The following MARK3 variants were observed in gnomAD, a reference collection of about 807,000 sequenced individuals.
MARK3 encodes MAP/microtubule affinity-regulating kinase 3.
Under a neutral mutation model 90.1 loss-of-function variants are expected in MARK3, and 46 were observed. The observed-to-expected ratio is 0.51, with a 90% CI of 0.40 to 0.65. The LOEUF (loss-of-function observed/expected upper bound fraction) is 0.65, where lower values mean the gene tolerates loss of function less well. Among genes scored for constraint, MARK3 ranks in the 30% least tolerant of loss-of-function variants. The pLI is 0.00. For missense variants in MARK3, 818 were observed against 947.2 expected (o/e 0.86, Z 1.79); for synonymous variants, 321 against 332.6 (o/e 0.97, Z 0.38).
intron 14 of MARK3, among the ~76,000 whole-genome samples, chr14:103,487,163 C>T (rs1343994133): frequency 6.6e-6 from 1 of 150,944 alleles, no homozygotes; most frequent in Non-Finnish European, 1.5e-5. Context: ...GCAATCCACC[C>T]GCCTCAGCCT....
intron 3 of MARK3, chr14:103,441,374 TC>T (rs2092850975): frequency 6.6e-6 from 1 of 152,212 alleles, no homozygotes; most frequent in Non-Finnish European, 1.5e-5. Flanking sequence ...AAGCTTCGCC[TC>T]CCGGGTTCAC....
intron 1 of MARK3, among the ~76,000 whole-genome samples, chr14:103,400,889 A>G (rs2090912489): frequency 8.3e-6 from 1 of 120,928 alleles, no homozygotes. Context: ...ACAGAACGAG[A>G]CCCTGTCTCA....
At chr14:103,446,710 C>CT (rs746523547) in intron 3 of MARK3, among the ~76,000 whole-genome samples, 20,115 of 95,780 alleles carry the variant, frequency 0.21, 2,851 homozygotes, top group African/African-American at 0.33. Flanking sequence ...AGATTGTTGT[C>CT]TTTTTTTTTT....
At chr14:103,494,886 C>A (rs2075248732) in intron 15 of MARK3, among the ~76,000 whole-genome samples, 1 of 152,054 alleles carries the variant, frequency 6.6e-6, no homozygotes, top group Non-Finnish European at 1.5e-5. Flanking sequence ...ATCCACCGCG[C>A]CCAGCCAAAG....
chr14:103,432,603 C>T (rs2092614024), intron 3 of MARK3, among the ~76,000 whole-genome samples: 1 of 152,096 alleles, frequency 6.6e-6, no homozygotes, highest in Non-Finnish European at 1.5e-5. Flanking sequence ...GTAATCCCAG[C>T]ACTTGGGGAG....
chr14:103,493,423 C>G (rs2075127835), intron 15 of MARK3, among the ~76,000 whole-genome samples: 1 of 151,984 alleles, frequency 6.6e-6, no homozygotes, highest in Admixed American at 6.6e-5. Context: ...TACCCTCTTA[C>G]TCACTTCTTA....
intron 1 of MARK3, chr14:103,386,501 T>C (rs1396087230): frequency 4.7e-6 from 2 of 429,190 alleles, no homozygotes; most frequent in African/African-American, 4.0e-5. Context: ...TTACCGGTGC[T>C]GATTAAGAGT....
chr14:103,436,381 C>A (rs949526827), intron 3 of MARK3, among the ~76,000 whole-genome samples: 1 of 150,988 alleles, frequency 6.6e-6, no homozygotes, highest in African/African-American at 2.4e-5. Flanking sequence ...TTTCATTGAA[C>A]AACTCTTTTC....
chr14:103,453,588 T>C (rs1229237593), intron 5 of MARK3, among the ~76,000 whole-genome samples: 1 of 152,236 alleles, frequency 6.6e-6, no homozygotes, highest in Admixed American at 6.5e-5. Flanking sequence ...GTGTATTTTA[T>C]ACTTTATATA....
At chr14:103,478,271 G>A (rs2093751949) in intron 13 of MARK3, among the ~76,000 whole-genome samples, 2 of 150,134 alleles carry the variant, frequency 1.3e-5, no homozygotes, top group South Asian at 4.2e-4. Context: ...CTCCAGCCTG[G>A]GCGAAAAAGC....
At position 103,498,303 on chromosome 14, in the gene MARK3, A is replaced by G. The variant is rs148041990; in HGVS notation, c.1845-199A>G. ...ACCTTTTCTTACTTTTTTTTGATAT[A>G]TTAAAAGATCACATACTCATTTAAT... is the stretch of plus-strand genomic sequence containing the variant. On this transcript the variant is annotated intron_variant, in intron 15 of 17. Coordinates refer to ENST00000429436, the MANE Select transcript of MARK3 (RefSeq NM_001128918.3). Among the ~76,000 whole-genome samples, 406 of 151,836 alleles carry G rather than the reference A, an allele frequency of 2.7e-3. 2 individuals carry two copies. Among genetic ancestry groups the G allele is most frequent in the African/African-American group, 9.4e-3 (389 of 41,410 alleles).
intron 4 of MARK3, among the ~76,000 whole-genome samples, chr14:103,449,180 A>G (rs896911943): frequency 6.6e-6 from 1 of 151,856 alleles, no homozygotes; most frequent in Non-Finnish European, 1.5e-5. Context: ...TCTGGTAGAA[A>G]CATCTGTACT....
chr14:103,444,666 A>ACT (rs1408725855), intron 3 of MARK3, among the ~76,000 whole-genome samples: 1 of 152,160 alleles, frequency 6.6e-6, no homozygotes, highest in African/African-American at 2.4e-5. Context: ...AGTCCCAGCT[A>ACT]CTAAGGAGGC....
intron 12 of MARK3, among the ~76,000 whole-genome samples, chr14:103,473,007 GAA>G (rs35491726): frequency 2.2e-5 from 3 of 138,168 alleles, no homozygotes; most frequent in Non-Finnish European, 4.7e-5. Flanking sequence ...ACTCCGTCTC[GAA>G]AAAAAAAAAA....
chr14:103,401,305 G>T (rs917789678), intron 1 of MARK3, among the ~76,000 whole-genome samples: 8 of 152,124 alleles, frequency 5.3e-5, no homozygotes, highest in Non-Finnish European at 8.8e-5. Context: ...ACAAGCATCA[G>T]ATCTTTCAGT....
At chr14:103,421,820 A>G (rs1275026925) in intron 2 of MARK3, among the ~76,000 whole-genome samples, 1 of 152,184 alleles carries the variant, frequency 6.6e-6, no homozygotes, top group Admixed American at 6.5e-5. Context: ...ATCAGGTGGC[A>G]GGACAGAGAA....
intron 5 of MARK3, among the ~76,000 whole-genome samples, chr14:103,455,212 C>T (rs541984838): frequency 6.6e-6 from 1 of 152,188 alleles, no homozygotes; most frequent in South Asian, 2.1e-4. Context: ...TAGGCTTAAT[C>T]GTTTAATTTT....
intron 6 of MARK3, among the ~76,000 whole-genome samples, chr14:103,457,515 G>A (rs186078348): frequency 6.6e-6 from 1 of 152,162 alleles, no homozygotes; most frequent in East Asian, 1.9e-4. Context: ...ATTAATTAAA[G>A]CCATTTCAGA....
At chr14:103,401,265 A>C (rs1158732579) in intron 1 of MARK3, among the ~76,000 whole-genome samples, 2 of 152,202 alleles carry the variant, frequency 1.3e-5, no homozygotes, top group Non-Finnish European at 2.9e-5. Flanking sequence ...GTCAAGAAAC[A>C]TCGAATTAAA....
Sources: allele counts gnomAD v4.1 joint callset (sites outside exome capture counted in the v4.1 genomes callset), GRCh38; gene constraint gnomAD v4.1.1; transcripts MANE v1.5; gene names NCBI Gene and HGNC (gene_info 2026-07-23, HGNC 2026-07-21).